Variants in SLC25A38 observed in about 807,000 individuals in gnomAD.
The protein encoded by SLC25A38 is solute carrier family 25 member 38, also known as mitochondrial glycine transporter.
SLC25A38 carries 27 observed loss-of-function variants against 33.4 expected under a neutral mutation model. That is an observed-to-expected ratio of 0.81 (90% CI 0.60 to 1.11). The LOEUF (loss-of-function observed/expected upper bound fraction) is 1.11. Among genes scored for constraint, SLC25A38 ranks in the 50% most tolerant of loss-of-function variants. The pLI is 0.00. For synonymous variants in SLC25A38, 123 were observed against 145.9 expected, an observed-to-expected ratio of 0.84 and a Z score of 1.13; for missense variants, 344 against 388.8, an observed-to-expected ratio of 0.88 and a Z score of 0.97.
chr3:39,384,491 C>G (rs1177018903), intron 1 of SLC25A38: 1 of 385,918 alleles, frequency 2.6e-6, no homozygotes, highest in African/African-American at 2.1e-5. Context: ...GTCTTGCGCC[C>G]GAGGTAGGGG....
intron 1 of SLC25A38, among the ~76,000 whole-genome samples, chr3:39,388,881 G>T (rs984660550): frequency 2.6e-5 from 4 of 152,160 alleles, no homozygotes; most frequent in African/African-American, 9.7e-5. Flanking sequence ...TGTATATGAC[G>T]GTTCATGGGT....
chr3:39,395,027 A>G (rs1236131323), intron 6 of SLC25A38, among the ~76,000 whole-genome samples: 1 of 152,184 alleles, frequency 6.6e-6, no homozygotes, highest in African/African-American at 2.4e-5. Flanking sequence ...ACAGGTGTCT[A>G]GTCTTTTGGC....
chr3:39,394,057 G>C (rs1305192021), intron 5 of SLC25A38, among the ~76,000 whole-genome samples: 1 of 152,148 alleles, frequency 6.6e-6, no homozygotes, highest in Non-Finnish European at 1.5e-5. Flanking sequence ...ATACTGACAG[G>C]TATCTTCCCT....
Position 39,383,734 on chromosome 3 carries a change from A to G in SLC25A38, c.10A>G (p.Asn4Asp). The G allele has an allele frequency of 6.2e-7, 1 of 1,614,124 alleles. No individual in the cohort carries two copies. Among genetic ancestry groups the G allele is most frequent in the African/African-American group, 1.3e-5 (1 of 75,064 alleles). The change falls in exon 1 of 7, where the codon AAC becomes GAC. Residue 4 changes from asparagine (N) to aspartate (D), a missense_variant. Coordinates refer to ENST00000650617, the MANE Select transcript of SLC25A38 (RefSeq NM_017875.4). MIQ[N>D]SRPSLLQPQD... The stretch of plus-strand genomic sequence containing the variant: ...GCGGGCCTCATCTCCAATGATTCAG[A>G]ACTCACGTCCGTCGCTGCTGCAACC...
intron 1 of SLC25A38, among the ~76,000 whole-genome samples, chr3:39,388,106 A>AG (rs1025449231): frequency 6.6e-6 from 1 of 152,140 alleles, no homozygotes; most frequent in Non-Finnish European, 1.5e-5. Flanking sequence ...TGTGTGAAGA[A>AG]GGGGGGCTCA....
At chr3:39,390,577 T>C in intron 3 of SLC25A38, 70 bp downstream of exon 3, 1 of 1,465,138 alleles carries the variant, frequency 6.8e-7, no homozygotes. Flanking sequence ...TCATCTACCT[T>C]ACCAGCTCTT....
intron 6 of SLC25A38, 41 bp from the exon 7 acceptor site, chr3:39,396,357 C>A (rs757856604): frequency 6.2e-7 from 1 of 1,613,934 alleles, no homozygotes; most frequent in Non-Finnish European, 8.5e-7. Context: ...AATTGTATTG[C>A]TACTTTGCTT....
At chr3:39,396,260 T>G in intron 6 of SLC25A38, 138 bp from the exon 7 acceptor site, 1 of 1,402,984 alleles carries the variant, frequency 7.1e-7, no homozygotes, top group Non-Finnish European at 1.0e-6. Context: ...CTTGGACCCA[T>G]TATTCTTACT....
At chr3:39,384,350 C>A in intron 1 of SLC25A38, 1 of 255,520 alleles carries the variant, frequency 3.9e-6, no homozygotes, top group Non-Finnish European at 7.3e-6. Flanking sequence ...GCCCGGGCCG[C>A]CGGGCCGCTA....
In SLC25A38 at chr3:39,391,597, A is replaced by G; in HGVS notation, c.433A>G (p.Thr145Ala). The change falls in exon 4 of 7, where the codon ACT becomes GCT. Residue 145 changes from threonine (T) to alanine (A), a missense_variant. This residue lies in a region of SLC25A38 where 269 missense variants were observed against 271.8 expected (regional missense o/e 0.99). Coordinates refer to ENST00000650617, the MANE Select transcript of SLC25A38 (RefSeq NM_017875.4). ...SVAGVCMSPI[T>A]VIKTRYESGK... The stretch of plus-strand genomic sequence containing the variant: ...TGCAGGGGTCTGTATGTCACCTATC[A>G]CTGTAATCAAGACGCGCTATGAGGT... The G allele has an allele frequency of 6.2e-7, 1 of 1,614,190 alleles. No homozygotes were observed. Among genetic ancestry groups the G allele is most frequent in the Non-Finnish European group, 8.5e-7 (1 of 1,180,042 alleles).
intron 1 of SLC25A38, among the ~76,000 whole-genome samples, chr3:39,384,026 C>T (rs2041678066): frequency 6.6e-6 from 1 of 152,164 alleles, no homozygotes; most frequent in African/African-American, 2.4e-5. Flanking sequence ...GCCGATGTCC[C>T]GGTAAAGGGC....
chr3:39,394,962 GA>G (rs34805179), intron 6 of SLC25A38, among the ~76,000 whole-genome samples: 24 of 147,948 alleles, frequency 1.6e-4, no homozygotes, highest in African/African-American at 5.2e-4. Context: ...TAGTCAGAGG[GA>G]AAAAAAAAAC....
In SLC25A38 at chr3:39,391,878, T is replaced by A. The variant is rs2041774035; in HGVS notation, c.482T>A (p.Ile161Asn). 2 of 1,613,814 alleles carry A rather than the reference T, an allele frequency of 1.2e-6. No homozygotes were observed. The highest frequency in any genetic ancestry group is 2.2e-5 in the South Asian group (2 of 91,062). Residue 161 changes from isoleucine (I) to asparagine (N), a missense_variant, in exon 5 of 7, where the codon ATC becomes AAC. Physicochemically the swap from Ile to Asn is moderately radical, Grantham distance 149. This residue lies in a region of SLC25A38 where 269 missense variants were observed against 271.8 expected (regional missense o/e 0.99). Coordinates refer to ENST00000650617, the MANE Select transcript of SLC25A38 (RefSeq NM_017875.4). ...YESGKYGYES[I>N]YAALRSIYHS... ...AGTGGGAAATATGGCTATGAGAGTATCTACGCTGCCCTGAGGAGCATCTAT... is the reference window on the plus strand; with the variant it reads ...AGTGGGAAATATGGCTATGAGAGTAACTACGCTGCCCTGAGGAGCATCTAT...
At position 39,389,502 on chromosome 3, in the gene SLC25A38, C is replaced by T. The variant is rs761041331; in HGVS notation, c.77C>T (p.Pro26Leu). 6 of 1,614,178 alleles carry T rather than the reference C, an allele frequency of 3.7e-6. No homozygotes were observed. The Middle Eastern group carries it at 4.9e-4, about 133-fold the overall frequency. The change falls in exon 2 of 7, where the codon CCG (proline) becomes CTG (leucine). Residue 26 changes from proline to leucine, a missense_variant. Pro to Leu is a moderately conservative substitution (Grantham distance 98). Around this residue, in one of 2 missense-constraint regions of SLC25A38, gnomAD observed 269 missense variants for 271.8 expected, o/e 0.99. Coordinates refer to ENST00000650617, the MANE Select transcript of SLC25A38 (RefSeq NM_017875.4). This position sits in a 1 kb window ranked among gnomAD's most constrained non-coding sequence, Gnocchi z 4.5. Reference protein sequence around the residue: ...GDTVETLMLHPVIKAFLCGSI... With the variant: ...GDTVETLMLHLVIKAFLCGSI... ...TATTGTCTTATCCTGCAGTTACATC[C>T]GGTGATCAAGGCTTTCCTGTGTGGC...
chr3:39,393,871 A>G (rs1411638760), intron 5 of SLC25A38, among the ~76,000 whole-genome samples: 2 of 152,210 alleles, frequency 1.3e-5, no homozygotes, highest in East Asian at 1.9e-4. Context: ...TTTATTTTCA[A>G]GAGTATAGGC....
rs2041833698 is a variant in SLC25A38, at chr3:39,396,610, A to C, written c.*90A>C. 3.7e-6 allele frequency: 6 copies of C among 1,606,228 alleles called. No individual in the cohort carries two copies. Among genetic ancestry groups the C allele is most frequent in the Non-Finnish European group, 5.1e-6 (6 of 1,175,838 alleles). On this transcript the variant is annotated 3_prime_UTR_variant, in exon 7 of 7. Coordinates refer to ENST00000650617, the MANE Select transcript of SLC25A38 (RefSeq NM_017875.4). Reference sequence around the variant, plus strand: ...TTCTTACTATTCTGCAGTAAGATGAAGTCCTACCTGGAAAACCAGGCAGAA... The same window carrying C: ...TTCTTACTATTCTGCAGTAAGATGACGTCCTACCTGGAAAACCAGGCAGAA...
rs538204021 is a variant in SLC25A38 at position 39,396,547 on chromosome 3, A to G, written c.*27A>G. On this transcript the variant is annotated 3_prime_UTR_variant, in exon 7 of 7. Coordinates refer to ENST00000650617, the MANE Select transcript of SLC25A38 (RefSeq NM_017875.4). ...CAAGAGAGGACTGGGAACGGGTGAA[A>G]TCTGTTGCCCTGCTTGGTTTCTGCC... 6.2e-7 allele frequency: 1 copy of G among 1,613,860 alleles called. No individual in the cohort carries two copies. The highest frequency in any genetic ancestry group is 1.3e-5 in the African/African-American group (1 of 75,014).
intron 1 of SLC25A38, 75 bp downstream of exon 1, chr3:39,383,868 A>C (rs754775024): frequency 3.9e-6 from 6 of 1,539,238 alleles, no homozygotes; most frequent in South Asian, 1.1e-5. Context: ...GGCGTTGCTA[A>C]GGCTCGGCTA....
intron 3 of SLC25A38, among the ~76,000 whole-genome samples, chr3:39,390,903 A>G (rs1391907895): frequency 6.6e-6 from 1 of 152,132 alleles, no homozygotes; most frequent in Admixed American, 6.5e-5. Context: ...AGAAATCCAT[A>G]CACTGATTTC....
Sources: gnomAD v4.1 joint callset for allele counts (sites outside exome capture counted in the v4.1 genomes callset) on GRCh38, gnomAD v4.1.1 for gene constraint, gnomAD v4.1.1 regional missense constraint, Gnocchi (gnomAD v3.1) non-coding constraint, MANE v1.5 for transcripts, NCBI Gene and HGNC (gene_info 2026-07-23, HGNC 2026-07-21) for gene names.